Variants in LIMCH1 observed in about 807,000 individuals in gnomAD.
LIMCH1 encodes the protein LIM and calponin homology domains-containing protein 1.
A neutral mutation model predicts 176.5 loss-of-function variants in LIMCH1; 113 were observed. The ratio of observed to expected loss-of-function variants is 0.64; its 90% CI spans 0.55 to 0.75. The LOEUF is 0.75. Among genes scored for constraint, LIMCH1 ranks in the 30% least tolerant of loss-of-function variants. The pLI is 0.00. For synonymous variants in LIMCH1, 619 were observed against 645.9 expected (o/e 0.96, Z 0.63); for missense variants, 1,674 against 1,814.9 (o/e 0.92, Z 1.41).
intron 1 of LIMCH1, among the ~76,000 whole-genome samples, chr4:41,466,263 G>T (rs545441441): frequency 3.9e-4 from 59 of 152,218 alleles, no homozygotes; most frequent in African/African-American, 1.4e-3. Context: ...ATCCAGTCTG[G>T]CTCTTCTTAG....
intron 1 of LIMCH1, among the ~76,000 whole-genome samples, chr4:41,367,242 G>A (rs999429749): frequency 2.0e-5 from 3 of 152,148 alleles, no homozygotes; most frequent in Non-Finnish European, 4.4e-5. Context: ...ATTACCTTTG[G>A]CATCAGGAAA....
upstream of LIMCH1, among the ~76,000 whole-genome samples, chr4:41,537,723 A>C (rs988007555): frequency 2.0e-5 from 3 of 152,206 alleles, no homozygotes; most frequent in Admixed American, 2.0e-4. Context: ...TGGATGGTAC[A>C]CAGGATGTTT....
chr4:41,424,942 G>T (rs142782661), intron 1 of LIMCH1, among the ~76,000 whole-genome samples: 1 of 152,254 alleles, frequency 6.6e-6, no homozygotes, highest in East Asian at 1.9e-4. Flanking sequence ...TCTTCCTTCT[G>T]GGTGTCTGTT....
At chr4:41,683,500 C>G (rs1236026944) in intron 26 of LIMCH1, among the ~76,000 whole-genome samples, 1 of 152,186 alleles carries the variant, frequency 6.6e-6, no homozygotes, top group Non-Finnish European at 1.5e-5. Flanking sequence ...CTCTGGGGCT[C>G]TGAGTTACCA....
In LIMCH1 at chr4:41,470,791, A is replaced by T. The variant is rs149558766; in HGVS notation, c.97-23745A>T. Among the ~76,000 whole-genome samples, 335 of 147,224 alleles carry T rather than the reference A, an allele frequency of 2.3e-3. 3 individuals carry two copies. The highest frequency in any genetic ancestry group is 7.2e-3 in the African/African-American group (287 of 39,946). On this transcript the variant is annotated intron_variant, in intron 1 of 26. Transcript: ENST00000313860. The stretch of plus-strand genomic sequence containing the variant: ...AGTCCTTGGACCTCTTCTCTTGCAC[A>T]CTCCATGCGTGATTTCATCTAGTGG...
chr4:41,695,064 T>A (rs1263479462), intron 31 of LIMCH1, among the ~76,000 whole-genome samples: 9 of 152,088 alleles, frequency 5.9e-5, no homozygotes. Context: ...CTTTGCCCAT[T>A]CTTCTATTTG....
chr4:41,509,407 A>G (rs888513698), intron 2 of LIMCH1, among the ~76,000 whole-genome samples: 6 of 152,168 alleles, frequency 3.9e-5, no homozygotes, highest in Admixed American at 3.9e-4. Context: ...AATCTCAGCA[A>G]ACTTGGGTCC....
chr4:41,694,708 C>T (rs1343918478), intron 31 of LIMCH1, among the ~76,000 whole-genome samples: 1 of 152,100 alleles, frequency 6.6e-6, no homozygotes, highest in Non-Finnish European at 1.5e-5. Flanking sequence ...AATGAACATC[C>T]TTGTGCATAT....
rs1402102133 is a variant in LIMCH1 at position 41,698,208 on chromosome 4, C to T, written c.*1023C>T. 1 of 152,146 alleles carries T rather than the reference C, an allele frequency of 6.6e-6. No individual in the cohort carries two copies. The highest frequency in any genetic ancestry group is 1.5e-5 in the Non-Finnish European group (1 of 68,130). 9.4% of individuals were successfully genotyped at this position (152,146 alleles called of 1,614,324 possible). A position where few individuals can be genotyped will look rare whatever the true frequency, so the allele number is the denominator to read the frequency against. ...GGTGTCCAAAGAAAAGCGTTAAGTC[C>T]ATCTTAATAGAATCTATGTGGTATA... On this transcript the variant is annotated 3_prime_UTR_variant, in exon 32 of 32. Coordinates refer to ENST00000503057, the MANE Select transcript of LIMCH1 (RefSeq NM_001330672.2).
chr4:41,612,612 G>A (rs778070420), intron 4 of LIMCH1: 31 of 702,474 alleles, frequency 4.4e-5, no homozygotes, highest in Non-Finnish European at 7.3e-5. Flanking sequence ...GGGTGAGGAT[G>A]GCTTTGACTG....
At chr4:41,591,314 T>A (rs2087515368) in intron 1 of LIMCH1, among the ~76,000 whole-genome samples, 1 of 152,162 alleles carries the variant, frequency 6.6e-6, no homozygotes. Flanking sequence ...CGATCATAGC[T>A]CACTGCAGCC....
At chr4:41,438,878 C>T (rs989067486) in intron 1 of LIMCH1, among the ~76,000 whole-genome samples, 7 of 152,238 alleles carry the variant, frequency 4.6e-5, no homozygotes, top group South Asian at 2.1e-4. Context: ...GATGTGGTGG[C>T]GATGGCCAGA....
chr4:41,408,173 G>T (rs545512466), intron 1 of LIMCH1, among the ~76,000 whole-genome samples: 1 of 152,238 alleles, frequency 6.6e-6, no homozygotes, highest in East Asian at 1.9e-4. Flanking sequence ...CATGGGTAGG[G>T]AGACAAGCCT....
Position 41,646,454 on chromosome 4 carries a change from A to G in LIMCH1, c.2412-31A>G, listed in dbSNP as rs774115411. 2.4e-5 allele frequency: 38 copies of G among 1,594,096 alleles called. No homozygotes were observed. In the Middle Eastern group the frequency reaches 5.1e-4, roughly 21 times the overall value. ...TCTTCTTTGCAATTTTCATTAGTTG[A>G]CTTTGTTATTGCTTCTCCCATGTCC... On this transcript the variant is annotated intron_variant, in intron 16 of 31. Coordinates refer to ENST00000503057, the MANE Select transcript of LIMCH1 (RefSeq NM_001330672.2).
intron 1 of LIMCH1, among the ~76,000 whole-genome samples, chr4:41,557,414 A>C (rs2081413114): frequency 6.6e-6 from 1 of 152,216 alleles, no homozygotes; most frequent in Non-Finnish European, 1.5e-5. Context: ...TAGAGTTTAC[A>C]AGAATCGATG....
chr4:41,598,763 G>A (rs891728914), intron 1 of LIMCH1, among the ~76,000 whole-genome samples, 157 bp from the exon 2 acceptor site: 37 of 152,240 alleles, frequency 2.4e-4, no homozygotes, highest in African/African-American at 8.4e-4. Flanking sequence ...CTGTTTATCT[G>A]GCATTTCCTA....
intron 1 of LIMCH1, among the ~76,000 whole-genome samples, chr4:41,559,608 A>C (rs552478714): frequency 6.6e-6 from 1 of 152,044 alleles, no homozygotes; most frequent in Non-Finnish European, 1.5e-5. Flanking sequence ...TCATCATCTC[A>C]CATCTTAAGC....
intron 1 of LIMCH1, among the ~76,000 whole-genome samples, chr4:41,430,607 T>G (rs896072344): frequency 3.9e-5 from 6 of 152,240 alleles, no homozygotes; most frequent in African/African-American, 1.4e-4. Flanking sequence ...TCCTTTGTTG[T>G]TTCATTTCTC....
At chr4:41,364,865 C>G (rs1212148361) in intron 1 of LIMCH1, among the ~76,000 whole-genome samples, 1 of 152,102 alleles carries the variant, frequency 6.6e-6, no homozygotes, top group Non-Finnish European at 1.5e-5. Context: ...CATTGATTTT[C>G]TTTCCCTCTT....
Sources: gnomAD v4.1 joint callset for allele counts (sites outside exome capture counted in the v4.1 genomes callset) on GRCh38, gnomAD v4.1.1 for gene constraint, MANE v1.5 for transcripts, NCBI Gene and HGNC (gene_info 2026-07-23, HGNC 2026-07-21) for gene names.